Variants in MALRD1 observed in about 807,000 individuals in gnomAD.
The protein encoded by MALRD1 is MAM and LDL-receptor class A domain-containing protein 1.
In MALRD1, 247 loss-of-function variants were observed where a neutral mutation model predicts 242.1. The observed-to-expected ratio is 1.02, with a 90% CI of 0.92 to 1.13. The LOEUF is 1.13. MALRD1 is among the 50% of genes most tolerant of loss of function. The pLI, the probability that MALRD1 is intolerant of heterozygous loss-of-function variation, is 0.00. For missense variants in MALRD1, 2,989 were observed against 2,533.1 expected, an observed-to-expected ratio of 1.18 and a Z score of -3.86; for synonymous variants, 995 against 866.6, an observed-to-expected ratio of 1.15 and a Z score of -2.60.
At chr10:19,644,397 G>C (rs935656148) in intron 36 of MALRD1, among the ~76,000 whole-genome samples, 1 of 16,206 alleles carries the variant, frequency 6.2e-5, no homozygotes, top group African/African-American at 2.4e-4. Context: ...GGCTCAGAAG[G>C]TTCTTACTGC....
At chr10:19,556,367 C>T (rs757979637) in intron 32 of MALRD1, among the ~76,000 whole-genome samples, 4 of 152,052 alleles carry the variant, frequency 2.6e-5, no homozygotes, top group African/African-American at 9.7e-5. Context: ...AATGTATGAC[C>T]TATATCCATA....
At chr10:19,234,346 A>G (rs992718558) in intron 18 of MALRD1, among the ~76,000 whole-genome samples, 2 of 151,990 alleles carry the variant, frequency 1.3e-5, no homozygotes, top group African/African-American at 4.8e-5. Context: ...ATATGCTGAC[A>G]TGAATTCTAA....
intron 2 of MALRD1, among the ~76,000 whole-genome samples, chr10:19,083,934 T>C (rs534001073): frequency 6.6e-6 from 1 of 152,086 alleles, no homozygotes; most frequent in East Asian, 1.9e-4. Context: ...TAAAATTCAT[T>C]TTGTGGGGGA....
intron 2 of MALRD1, among the ~76,000 whole-genome samples, chr10:19,083,381 A>G (rs924797756): frequency 2.0e-5 from 3 of 151,980 alleles, no homozygotes; most frequent in Admixed American, 6.6e-5. Flanking sequence ...AGCCCTACAC[A>G]TGCACATGTC....
Position 19,123,493 on chromosome 10 carries a change from T to C in MALRD1, c.696T>C (p.Asp232=). 2 of 1,232,314 alleles carry C rather than the reference T, an allele frequency of 1.6e-6. No homozygotes were observed. The highest frequency in any genetic ancestry group is 2.0e-6 in the Non-Finnish European group (2 of 986,692). The allele number at this position is 1,232,314 out of a possible 1,614,324, so 76.3% of individuals were successfully genotyped here. A position where few individuals can be genotyped will look rare whatever the true frequency, so the allele number is the denominator to read the frequency against. Residue 232 remains aspartate, a splice_region_variant and synonymous_variant, in exon 6 of 40, where the codon GAT becomes GAC. Transcript: ENST00000454679. ...SFSSGCLPAN[D]GILLCQEALN... ...CTTGCCAATCTTTAAATTTAACAGA[T>C]GGAATTTTACTGTGTCAAGAAGCAT...
intron 35 of MALRD1, among the ~76,000 whole-genome samples, chr10:19,608,651 C>A (rs1216746511): frequency 6.6e-6 from 1 of 151,708 alleles, no homozygotes; most frequent in Non-Finnish European, 1.5e-5. Context: ...TATTTTATAT[C>A]AAAACTAGTT....
At chr10:19,267,820 A>T (rs1840030454) in intron 19 of MALRD1, among the ~76,000 whole-genome samples, 1 of 152,102 alleles carries the variant, frequency 6.6e-6, no homozygotes, top group East Asian at 1.9e-4. Flanking sequence ...TCAGGGGAAA[A>T]ATAAAGAAAT....
intron 33 of MALRD1, among the ~76,000 whole-genome samples, chr10:19,568,465 C>A (rs1230542159): frequency 6.6e-6 from 1 of 151,940 alleles, no homozygotes; most frequent in African/African-American, 2.4e-5. Context: ...ATTCAAAATC[C>A]TGGGCAATTT....
intron 26 of MALRD1, among the ~76,000 whole-genome samples, chr10:19,384,504 T>C (rs1420695985): frequency 8.5e-6 from 1 of 117,336 alleles, no homozygotes; most frequent in African/African-American, 3.4e-5. Flanking sequence ...TAATATTTAC[T>C]ATATATTATA....
intron 7 of MALRD1, among the ~76,000 whole-genome samples, chr10:19,127,435 C>A (rs983743455): frequency 2.0e-5 from 3 of 152,072 alleles, no homozygotes; most frequent in African/African-American, 7.2e-5. Context: ...CTAAAATTTG[C>A]TCTCATGTTC....
Position 19,237,544 on chromosome 10 carries a change from G to A in MALRD1, c.2992-20140G>A, listed in dbSNP as rs1341230349. On this transcript the variant is annotated intron_variant, in intron 18 of 39. Transcript: ENST00000454679. Reference sequence around the variant, plus strand: ...TATATATATATATATATAATTTTATGTATAATTATAATTACACATAAAATT... The same window carrying A: ...TATATATATATATATATAATTTTATATATAATTATAATTACACATAAAATT... Among the ~76,000 whole-genome samples the A allele has an allele frequency of 6.8e-3, 763 of 112,024 alleles. 5 individuals carry two copies. The highest frequency in any genetic ancestry group is 9.7e-3 in the Non-Finnish European group (534 of 55,286). 73.5% of individuals were successfully genotyped at this position (112,024 alleles called of 152,430 possible). A position where few individuals can be genotyped will look rare whatever the true frequency, so the allele number is the denominator to read the frequency against.
At chr10:19,282,966 G>T in intron 20 of MALRD1, 53 bp from the exon 21 acceptor site, 1 of 1,355,540 alleles carries the variant, frequency 7.4e-7, no homozygotes, top group Admixed American at 2.6e-5. Context: ...AGATTGTACA[G>T]ATAGAAACTG....
In MALRD1 at chr10:19,453,318, G is replaced by C. The variant is rs143763259; in HGVS notation, c.5029+2828G>C. 2.1e-3 allele frequency among the ~76,000 whole-genome samples: 321 copies of C among 152,278 alleles called. 1 individual carries two copies. Among genetic ancestry groups the C allele is most frequent in the African/African-American group, 7.3e-3 (304 of 41,544 alleles). On this transcript the variant is annotated intron_variant, in intron 29 of 39. Coordinates refer to ENST00000454679, the MANE Select transcript of MALRD1 (RefSeq NM_001142308.3). ...TATGAAATGTACAGAACAGACAAAT[G>C]TATAGAGACAGAGAGGAGGTGAGTG...
At chr10:19,675,338 A>G (rs919291440) in intron 36 of MALRD1, among the ~76,000 whole-genome samples, 21 of 152,204 alleles carry the variant, frequency 1.4e-4, no homozygotes, top group African/African-American at 4.8e-4. Flanking sequence ...ACAAGCAGAC[A>G]AGCAGTTCAG....
chr10:19,088,249 AG>A, intron 4 of MALRD1, 64 bp downstream of exon 4: 1 of 1,204,660 alleles, frequency 8.3e-7, no homozygotes, highest in Non-Finnish European at 1.0e-6. Context: ...CTTTAACACC[AG>A]GTGAACTAAA....
intron 33 of MALRD1, among the ~76,000 whole-genome samples, chr10:19,579,849 T>A (rs1456014869): frequency 1.3e-5 from 2 of 152,216 alleles, no homozygotes; most frequent in Non-Finnish European, 2.9e-5. Context: ...TATTTAATAA[T>A]ACTGGGCCTA....
intron 36 of MALRD1, among the ~76,000 whole-genome samples, chr10:19,647,315 G>T (rs999388249): frequency 6.6e-6 from 1 of 152,132 alleles, no homozygotes; most frequent in African/African-American, 2.4e-5. Flanking sequence ...CATTTCTACT[G>T]TGTTTTGCTT....
At chr10:19,499,391 A>G (rs886772505) in intron 31 of MALRD1, among the ~76,000 whole-genome samples, 1 of 151,930 alleles carries the variant, frequency 6.6e-6, no homozygotes, top group African/African-American at 2.4e-5. Flanking sequence ...ACTTTGAGTA[A>G]AGTGGATTGC....
At chr10:19,098,724 T>G (rs1836136337) in intron 4 of MALRD1, among the ~76,000 whole-genome samples, 1 of 152,130 alleles carries the variant, frequency 6.6e-6, no homozygotes, top group Non-Finnish European at 1.5e-5. Flanking sequence ...CATTGTTTCA[T>G]GCCAAGGAAA....
Sources: gnomAD v4.1 joint callset for allele counts (sites outside exome capture counted in the v4.1 genomes callset) on GRCh38, gnomAD v4.1.1 for gene constraint, MANE v1.5 for transcripts, NCBI Gene and HGNC (gene_info 2026-07-23, HGNC 2026-07-21) for gene names.